NHS: variants seen among roughly 807,000 people sequenced by gnomAD.
NHS encodes the protein NHS actin remodeling regulator, also known as actin remodeling regulator NHS.
NHS carries 5 observed loss-of-function variants against 72.5 expected under a neutral mutation model. That is an observed-to-expected ratio of 0.07 (90% CI 0.04 to 0.14). The LOEUF (loss-of-function observed/expected upper bound fraction) is 0.14. NHS is among the 10% of genes least tolerant of loss of function. The pLI is 1.00. For missense variants in NHS, 1,072 were observed against 1,355.7 expected (o/e 0.79, Z 3.29); for synonymous variants, 464 against 547.7 (o/e 0.85, Z 2.13).
chrX:17,452,491 GT>G (rs112703898), intron 1 of NHS, among the ~76,000 whole-genome samples: 1,227 of 98,359 alleles, frequency 0.012, 11 homozygotes, highest in African/African-American at 0.033. Context: ...ATCTTTCTGT[GT>G]TTTTTTTTTT....
chrX:17,672,836 T>G (rs2066055909), intron 1 of NHS, among the ~76,000 whole-genome samples: 1 of 112,190 alleles, frequency 8.9e-6, no homozygotes, highest in South Asian at 3.7e-4. Flanking sequence ...ACAAGGACAA[T>G]GGCGCATGTC....
chrX:17,508,988 C>T (rs2065072805), intron 1 of NHS, among the ~76,000 whole-genome samples: 1 of 111,336 alleles, frequency 9.0e-6, no homozygotes, highest in Non-Finnish European at 1.9e-5. Context: ...TTCATGTAAC[C>T]ACCATGTGGT....
At chrX:17,645,920 C>T (rs1317406871) in intron 1 of NHS, among the ~76,000 whole-genome samples, 2 of 111,655 alleles carry the variant, frequency 1.8e-5, no homozygotes. Context: ...TTGTCTTTCT[C>T]CTTTTATGTA....
rs748327215 is a variant in NHS, at chrX:17,436,132, T to G, written c.565+59810T>G. On this transcript the variant is annotated intron_variant, in intron 1 of 8. Transcript: ENST00000676302. ...CTACAGAGTTGGAAAAAGTGTGTGT[T>G]TTTTTGTTGTTGTTGTTTGTTTGTT... Among the ~76,000 whole-genome samples, 12 of 112,159 alleles carry G rather than the reference T, an allele frequency of 1.1e-4. No homozygotes were observed. In the East Asian group the frequency reaches 2.5e-3, roughly 23 times the overall value.
chrX:17,473,698 C>A lies in NHS; in HGVS notation c.565+97376C>A, dbSNP rs752649680. Among the ~76,000 whole-genome samples the A allele has an allele frequency of 2.1e-4, 24 of 111,709 alleles. No individual in the cohort carries two copies. The East Asian group carries it at 5.9e-3, about 27-fold the overall frequency. ...GTAAAAACACATGGGATTTCAAAGACTTAATATAAAAGAAGAGAATGTAAA... is the reference window on the plus strand; with the variant it reads ...GTAAAAACACATGGGATTTCAAAGAATTAATATAAAAGAAGAGAATGTAAA... On this transcript the variant is annotated intron_variant, in intron 1 of 8. Transcript: ENST00000676302.
Position 17,527,586 on chromosome X carries a change from T to C in NHS, c.565+151264T>C, listed in dbSNP as rs189509316. ...CAGTTAGCATCAACAAATCCCAAGT[T>C]GTTTGTATGTGTGTCTAAAAGAAAA... is the stretch of plus-strand genomic sequence containing the variant. On this transcript the variant is annotated intron_variant, in intron 1 of 8. Transcript: ENST00000676302. Among the ~76,000 whole-genome samples the C allele has an allele frequency of 2.6e-4, 29 of 112,428 alleles. No homozygotes were observed. In the South Asian group the frequency reaches 2.9e-3, roughly 11 times the overall value.
At chrX:17,477,254 G>C (rs1331674137) in intron 1 of NHS, among the ~76,000 whole-genome samples, 1 of 111,852 alleles carries the variant, frequency 8.9e-6, no homozygotes, top group Non-Finnish European at 1.9e-5. Flanking sequence ...GTGGATATGT[G>C]AGTGAAAACC....
At chrX:17,635,945 G>A (rs1601810449) in intron 1 of NHS, among the ~76,000 whole-genome samples, 1 of 112,164 alleles carries the variant, frequency 8.9e-6, no homozygotes, top group South Asian at 3.7e-4. Context: ...CTTCTGCTCC[G>A]ACATTTGAAC....
chrX:17,695,076 C>T (rs1218929322), intron 3 of NHS, among the ~76,000 whole-genome samples: 1 of 112,327 alleles, frequency 8.9e-6, no homozygotes, highest in Non-Finnish European at 1.9e-5. Flanking sequence ...TATTCAAAAT[C>T]GTTTACAATA....
At chrX:17,600,732 T>C (rs2065645337) in intron 1 of NHS, among the ~76,000 whole-genome samples, 1 of 108,158 alleles carries the variant, frequency 9.2e-6, no homozygotes, top group South Asian at 4.1e-4. Flanking sequence ...CAGTGAATGG[T>C]GAGTGGGGGA....
intron 1 of NHS, among the ~76,000 whole-genome samples, chrX:17,609,259 T>C (rs887152141): frequency 1.8e-5 from 2 of 111,955 alleles, no homozygotes; most frequent in African/African-American, 6.5e-5. Flanking sequence ...GTGGAAGTGT[T>C]TATAAAAAGC....
At chrX:17,378,087 A>T (rs868520342) in intron 1 of NHS, among the ~76,000 whole-genome samples, 57 of 78,531 alleles carry the variant, frequency 7.3e-4, no homozygotes, top group East Asian at 4.6e-3. Flanking sequence ...TGTGTGTGTG[A>T]GACACACCTC....
At chrX:17,523,870 C>T (rs1423288689) in intron 1 of NHS, among the ~76,000 whole-genome samples, 1 of 111,748 alleles carries the variant, frequency 8.9e-6, no homozygotes, top group Non-Finnish European at 1.9e-5. Context: ...GGTTTTCTTT[C>T]AAGGCCTGCA....
chrX:17,404,792 C>T (rs114335329), intron 1 of NHS, among the ~76,000 whole-genome samples: 4,480 of 107,167 alleles, frequency 0.042, 262 homozygotes, highest in African/African-American at 0.15. Context: ...GTTAGTTGCC[C>T]GTAACACTCT....
Position 17,735,450 on chromosome X carries a change from T to C in NHS, c.*2986T>C, listed in dbSNP as rs769886610. The C allele has an allele frequency of 3.5e-5, 4 of 113,179 alleles. No individual in the cohort carries two copies. Among genetic ancestry groups the C allele is most frequent in the Non-Finnish European group, 7.5e-5 (4 of 53,405 alleles). The allele number at this position is 113,179 out of a possible 1,213,427, so 9.3% of individuals were successfully genotyped here. On this transcript the variant is annotated 3_prime_UTR_variant, in exon 9 of 9. Transcript: ENST00000676302. ...GTTTATACAACGTATCTATGTTGTGTAGGGGAAATTTTTTCATTTTTTAAA... is the reference window on the plus strand; with the variant it reads ...GTTTATACAACGTATCTATGTTGTGCAGGGGAAATTTTTTCATTTTTTAAA...
chrX:17,592,010 A>ATG (rs57852279), intron 1 of NHS, among the ~76,000 whole-genome samples: 3,476 of 104,714 alleles, frequency 0.033, 85 homozygotes, highest in African/African-American at 0.067. Flanking sequence ...TGGTCCACTG[A>ATG]TGTGTGTGTG....
intron 1 of NHS, among the ~76,000 whole-genome samples, chrX:17,388,908 T>A (rs1260753119): frequency 9.1e-6 from 1 of 109,936 alleles, no homozygotes; most frequent in East Asian, 2.9e-4. Context: ...GTAGAGCTGT[T>A]GATGGTTGTT....
intron 1 of NHS, among the ~76,000 whole-genome samples, chrX:17,471,059 T>G (rs1334604377): frequency 2.7e-5 from 3 of 112,096 alleles, no homozygotes; most frequent in African/African-American, 9.7e-5. Flanking sequence ...GAACTTATGT[T>G]TAATGGGATA....
At chrX:17,687,983 A>C in intron 2 of NHS, 89 bp downstream of exon 2, 3 of 1,001,359 alleles carry the variant, frequency 3.0e-6, no homozygotes, top group Non-Finnish European at 4.1e-6. Flanking sequence ...GCCCCAACAC[A>C]CCCCCTTATT....
Sources: allele counts gnomAD v4.1 joint callset (sites outside exome capture counted in the v4.1 genomes callset), GRCh38; gene constraint gnomAD v4.1.1; transcripts MANE v1.5; gene names NCBI Gene and HGNC (gene_info 2026-07-23, HGNC 2026-07-21).